CRACD: variants seen among roughly 807,000 people sequenced by gnomAD.
CRACD encodes capping protein inhibiting regulator of actin dynamics, also known as capping protein-inhibiting regulator of actin dynamics.
In CRACD, 56 loss-of-function variants were observed where a neutral mutation model predicts 106.8. The observed-to-expected ratio is 0.52, with a 90% CI of 0.42 to 0.66. The LOEUF (loss-of-function observed/expected upper bound fraction) is 0.66. CRACD is among the 30% of genes least tolerant of loss of function. The pLI, the probability that CRACD is intolerant of heterozygous loss-of-function variation, is 0.00. For synonymous variants in CRACD, 754 were observed against 670.8 expected (o/e 1.12, Z -1.92); for missense variants, 1,730 against 1,623.2 (o/e 1.07, Z -1.13).
chr4:56,315,003 G>A lies in CRACD; in HGVS notation c.1501G>A (p.Ala501Thr). ...GAAACAAGAGGGGCCGGTGGAAGCC[G>A]CGCAGCCTCCGGTGGAGAGGAAAGA... The part of the protein sequence containing the change: ...LLKQEGPVEA[A>T]QPPVERKEAA... The change falls in exon 8 of 11, where the codon GCG becomes ACG. Residue 501 changes from alanine (A) to threonine (T), a missense_variant. Physicochemically the swap from Ala to Thr is moderately conservative, Grantham distance 58 (BLOSUM62 0). This residue lies in a region of CRACD where 1,620 missense variants were observed against 1,481.6 expected (regional missense o/e 1.09). Coordinates refer to ENST00000682029, the MANE Select transcript of CRACD (RefSeq NM_001393381.1). The surrounding 1 kb of genome is among the most constrained non-coding windows in gnomAD (Gnocchi z 4.1). The A allele has an allele frequency of 1.1e-5, 17 of 1,587,266 alleles. No homozygotes were observed. Among genetic ancestry groups the A allele is most frequent in the Non-Finnish European group, 1.5e-5 (17 of 1,168,086 alleles).
At position 56,090,821 on chromosome 4, in the gene CRACD, G is replaced by A. The variant is rs138206800; in HGVS notation, c.-336+41522G>A. ...TTCCAACCATAAGTCCTGAAGGAGT[G>A]GAGGAAGCCACAGTTAGGGGATGGG... On this transcript the variant is annotated intron_variant, in intron 1 of 10. Transcript: ENST00000682029. Among the ~76,000 whole-genome samples the A allele has an allele frequency of 7.5e-3, 1,139 of 152,228 alleles. 10 individuals are homozygous for A. The Middle Eastern group carries it at 0.082, about 11-fold the overall frequency.
chr4:56,235,729 G>A (rs934718026), intron 2 of CRACD, among the ~76,000 whole-genome samples: 4 of 152,124 alleles, frequency 2.6e-5, no homozygotes, highest in Admixed American at 6.6e-5. Context: ...CTAAGCAACC[G>A]TACAGGGAAA....
chr4:56,131,641 G>A (rs1734828662), intron 1 of CRACD, among the ~76,000 whole-genome samples: 1 of 151,964 alleles, frequency 6.6e-6, no homozygotes, highest in African/African-American at 2.4e-5. Flanking sequence ...CTTCCTTTGT[G>A]GTCTCTTATT....
Position 56,313,750 on chromosome 4 carries a change from A to G in CRACD, c.538-290A>G, listed in dbSNP as rs142576756. 3.6e-3 allele frequency among the ~76,000 whole-genome samples: 554 copies of G among 152,126 alleles called. 5 individuals are homozygous for G. The highest frequency in any genetic ancestry group is 0.013 in the African/African-American group (530 of 41,504). On this transcript the variant is annotated intron_variant, in intron 7 of 10. Coordinates refer to ENST00000682029, the MANE Select transcript of CRACD (RefSeq NM_001393381.1). ...CTTTTTGCTCATCTAATGCTTGAAT[A>G]TTGGTTTTCCTCGTTTGTTCATATT... is the stretch of plus-strand genomic sequence containing the variant.
intron 2 of CRACD, among the ~76,000 whole-genome samples, chr4:56,236,296 G>C (rs1379325124): frequency 6.6e-6 from 1 of 152,166 alleles, no homozygotes; most frequent in African/African-American, 2.4e-5. Context: ...GAAGCTGGAA[G>C]AGGAAAGGAA....
In CRACD at chr4:56,314,398, G is replaced by T. The variant is rs776343729; in HGVS notation, c.896G>T (p.Gly299Val). 8 of 1,546,246 alleles carry T rather than the reference G, an allele frequency of 5.2e-6. No homozygotes were observed. The South Asian group carries it at 7.2e-5, about 14-fold the overall frequency. The part of the protein sequence containing the change: ...EEQQRSLEAP[G>V]WEDAERRERE... Reference sequence around the variant, plus strand: ...CAGCAGCGGAGCCTGGAAGCGCCAGGTTGGGAGGACGCGGAGCGGAGGGAG... The same window carrying T: ...CAGCAGCGGAGCCTGGAAGCGCCAGTTTGGGAGGACGCGGAGCGGAGGGAG... The change falls in exon 8 of 11, where the codon GGT becomes GTT. Residue 299 changes from glycine to valine, a missense_variant. By Grantham distance (109) the Gly-to-Val change is moderately radical. Transcript: ENST00000682029. The surrounding 1 kb of genome is among the most constrained non-coding windows in gnomAD (Gnocchi z 4.4).
intron 1 of CRACD, among the ~76,000 whole-genome samples, chr4:56,166,490 G>A (rs976917388): frequency 6.6e-6 from 1 of 151,904 alleles, no homozygotes; most frequent in African/African-American, 2.4e-5. Flanking sequence ...AGACCAGCCT[G>A]CCCAACATGG....
At chr4:56,108,984 C>T (rs369619689) in intron 1 of CRACD, among the ~76,000 whole-genome samples, 141 of 152,306 alleles carry the variant, frequency 9.3e-4, no homozygotes, top group African/African-American at 3.2e-3. Flanking sequence ...GGATAATATC[C>T]AGCCTCCCAC....
At chr4:56,080,817 AC>A (rs1214122840) in intron 1 of CRACD, among the ~76,000 whole-genome samples, 1 of 152,206 alleles carries the variant, frequency 6.6e-6, no homozygotes, top group Non-Finnish European at 1.5e-5. Context: ...AAAGACACCT[AC>A]CCTTTAGTGA....
intron 8 of CRACD, among the ~76,000 whole-genome samples, chr4:56,321,754 T>C (rs1746120993): frequency 6.6e-6 from 1 of 152,232 alleles, no homozygotes. Flanking sequence ...TTCTAAGAGA[T>C]GTCAGTCTTA....
intron 2 of CRACD, among the ~76,000 whole-genome samples, chr4:56,180,341 C>T (rs1222350244): frequency 6.6e-6 from 1 of 151,838 alleles, no homozygotes; most frequent in Non-Finnish European, 1.5e-5. Flanking sequence ...AACACAAAAA[C>T]AGCTGGGCGT....
intron 2 of CRACD, among the ~76,000 whole-genome samples, chr4:56,232,826 G>C (rs769538760): frequency 7.2e-5 from 11 of 151,904 alleles, no homozygotes; most frequent in African/African-American, 1.2e-4. Context: ...CTGGGTTCAA[G>C]AGATTCTCCT....
intron 2 of CRACD, among the ~76,000 whole-genome samples, chr4:56,211,060 G>A (rs888190449): frequency 5.9e-5 from 9 of 152,130 alleles, no homozygotes; most frequent in Non-Finnish European, 1.3e-4. Flanking sequence ...CCCTAGATGA[G>A]ACTAATTTGG....
At chr4:56,072,044 C>T (rs1732675014) in intron 1 of CRACD, among the ~76,000 whole-genome samples, 1 of 150,024 alleles carries the variant, frequency 6.7e-6, no homozygotes, top group Admixed American at 6.7e-5. Context: ...AGGAGAATGG[C>T]GTGAACCCGG....
At chr4:56,260,912 TCCATCCATCC>T (rs1459947183) in intron 2 of CRACD, among the ~76,000 whole-genome samples, 1 of 151,498 alleles carries the variant, frequency 6.6e-6, no homozygotes, top group African/African-American at 2.4e-5. Context: ...CATCCATCCA[TCCATCCATCC>T]GTCCATCCAT....
chr4:56,268,164 G>T (rs1742138452), intron 2 of CRACD, among the ~76,000 whole-genome samples: 2 of 152,204 alleles, frequency 1.3e-5, no homozygotes, highest in Non-Finnish European at 2.9e-5. Context: ...AAATAGATGA[G>T]TAACCTGTTT....
In CRACD at chr4:56,177,882, T is replaced by C. The variant is rs1736653733; in HGVS notation, c.-335-1402T>C. Among the ~76,000 whole-genome samples, 3 of 152,190 alleles carry C rather than the reference T, an allele frequency of 2.0e-5. 1 individual carries two copies. The highest frequency in any genetic ancestry group is 2.0e-4 in the Admixed American group (3 of 15,268). ...CTTCTTTTCTGTCTCTGATTTTATTTATTTGAGTCTTCTCTCCTTGTTTCT... is the reference window on the plus strand; with the variant it reads ...CTTCTTTTCTGTCTCTGATTTTATTCATTTGAGTCTTCTCTCCTTGTTTCT... On this transcript the variant is annotated intron_variant, in intron 1 of 10. Transcript: ENST00000682029.
intron 1 of CRACD, among the ~76,000 whole-genome samples, chr4:56,052,882 G>C (rs770002193): frequency 2.0e-5 from 3 of 152,052 alleles, no homozygotes; most frequent in Non-Finnish European, 4.4e-5. Context: ...TTTGAATGTC[G>C]ATATTGAGAA....
intron 2 of CRACD, among the ~76,000 whole-genome samples, chr4:56,248,783 A>T (rs1270757067): frequency 4.0e-5 from 5 of 124,596 alleles, no homozygotes; most frequent in Middle Eastern, 4.8e-3. Context: ...TGTCCATGTG[A>T]TCTCATTGTT....
Sources: gnomAD v4.1 joint callset for allele counts (sites outside exome capture counted in the v4.1 genomes callset) on GRCh38, gnomAD v4.1.1 for gene constraint, gnomAD v4.1.1 regional missense constraint, Gnocchi (gnomAD v3.1) non-coding constraint, MANE v1.5 for transcripts, NCBI Gene and HGNC (gene_info 2026-07-23, HGNC 2026-07-21) for gene names.